Variants in HIF1AN observed in about 807,000 individuals in gnomAD.
The protein encoded by HIF1AN is hypoxia inducible factor 1 subunit alpha inhibitor.
A neutral mutation model predicts 47.7 loss-of-function variants in HIF1AN; 21 were observed. The ratio of observed to expected loss-of-function variants is 0.44; its 90% CI spans 0.31 to 0.63. The LOEUF (loss-of-function observed/expected upper bound fraction) is 0.63. Among genes scored for constraint, HIF1AN ranks in the 30% least tolerant of loss-of-function variants. HIF1AN has a pLI of 0.07. For missense variants in HIF1AN, 320 were observed against 432.7 expected (o/e 0.74, Z 2.31); for synonymous variants, 152 against 155.9 (o/e 0.98, Z 0.18).
intron 3 of HIF1AN, among the ~76,000 whole-genome samples, chr10:100,544,114 G>C (rs1843072263): frequency 6.6e-6 from 1 of 152,208 alleles, no homozygotes; most frequent in Non-Finnish European, 1.5e-5. Context: ...AACACACGTG[G>C]TCCTAGTTAG....
At chr10:100,541,356 A>C (rs887961908) in intron 3 of HIF1AN, among the ~76,000 whole-genome samples, 1 of 152,360 alleles carries the variant, frequency 6.6e-6, no homozygotes, top group East Asian at 1.9e-4. Context: ...GCACCACTGC[A>C]CTGCAGCCTG....
chr10:100,546,133 T>TA (rs1843091647), intron 5 of HIF1AN, 84 bp downstream of exon 5: 2 of 958,000 alleles, frequency 2.1e-6, no homozygotes, highest in African/African-American at 3.3e-5. Context: ...GCTTCTGAGT[T>TA]ATGGCATGAT....
At position 100,557,570 on chromosome 10, in the gene HIF1AN, C is replaced by G. The variant is rs577308346; in HGVS notation, c.*9433C>G. ...TTCAAGCAATTCTGCCTCAGCCTCC[C>G]GAGTAGCTGGGACTCAGGCGTGCGC... On this transcript the variant is annotated 3_prime_UTR_variant, in exon 8 of 8. Transcript: ENST00000299163. 2 of 152,232 alleles carry G rather than the reference C, an allele frequency of 1.3e-5. No homozygotes were observed. Among genetic ancestry groups the G allele is most frequent in the African/African-American group, 2.4e-5 (1 of 41,428 alleles). 9.4% of individuals were successfully genotyped at this position (152,232 alleles called of 1,614,324 possible). A position where few individuals can be genotyped will look rare whatever the true frequency, so the allele number is the denominator to read the frequency against.
chr10:100,545,915 T>A (rs1843089020), intron 4 of HIF1AN, 28 bp from the exon 5 acceptor site: 2 of 1,455,106 alleles, frequency 1.4e-6, no homozygotes, highest in African/African-American at 1.4e-5. Context: ...GTGATTGATA[T>A]TTTTTTTCTT....
At chr10:100,542,230 G>A (rs772019171) in intron 3 of HIF1AN, among the ~76,000 whole-genome samples, 43 of 151,962 alleles carry the variant, frequency 2.8e-4, no homozygotes, top group Middle Eastern at 3.4e-3. Flanking sequence ...CGACTAAAAT[G>A]TCATCATGTG....
chr10:100,539,443 AG>A (rs1175709129), intron 2 of HIF1AN, among the ~76,000 whole-genome samples: 1 of 152,226 alleles, frequency 6.6e-6, no homozygotes, highest in Non-Finnish European at 1.5e-5. Context: ...TAGCTGTAGA[AG>A]GCTGCAACAG....
At chr10:100,544,309 G>C (rs1232876689) in intron 3 of HIF1AN, among the ~76,000 whole-genome samples, 1 of 152,204 alleles carries the variant, frequency 6.6e-6, no homozygotes, top group African/African-American at 2.4e-5. Context: ...AGATGTGGTG[G>C]CTCACGCCTG....
intron 3 of HIF1AN, among the ~76,000 whole-genome samples, chr10:100,542,129 C>T (rs936304033): frequency 6.7e-6 from 1 of 149,238 alleles, no homozygotes; most frequent in African/African-American, 2.5e-5. Flanking sequence ...TTTTTTATTG[C>T]CAAAAAAAAA....
In HIF1AN at chr10:100,553,850, A is replaced by G. The variant is rs11292; in HGVS notation, c.*5713A>G. 33,488 of 152,138 alleles carry G rather than the reference A, an allele frequency of 0.22. 3,816 individuals carry two copies. Among genetic ancestry groups the G allele is most frequent in the African/African-American group, 0.26 (10,895 of 41,470 alleles). 9.4% of individuals were successfully genotyped at this position (152,138 alleles called of 1,614,324 possible). On this transcript the variant is annotated 3_prime_UTR_variant, in exon 8 of 8. Coordinates refer to ENST00000299163, the MANE Select transcript of HIF1AN (RefSeq NM_017902.3). ...CCTCAGGGTTGTTGGAATAACTGAA[A>G]CAATGTTTGTAAAGCTTTAGCACAG...
At chr10:100,542,130 CAA>C (rs892151506) in intron 3 of HIF1AN, among the ~76,000 whole-genome samples, 4 of 133,344 alleles carry the variant, frequency 3.0e-5, no homozygotes, top group Admixed American at 7.5e-5. Context: ...TTTTTATTGC[CAA>C]AAAAAAAAAA....
At position 100,546,062 on chromosome 10, in the gene HIF1AN, C is replaced by T; in HGVS notation, c.830+13C>T. The T allele has an allele frequency of 1.3e-6, 2 of 1,574,902 alleles. No individual in the cohort carries two copies. The highest frequency in any genetic ancestry group is 1.7e-6 in the Non-Finnish European group (2 of 1,146,238). ...TCCCAATGTACTGGTGAGAAGGGGG[C>T]TAGGGCTGGGGGCTTTTTGGGAGCT... On this transcript the variant is annotated intron_variant, in intron 5 of 7. Transcript: ENST00000299163.
At chr10:100,540,072 G>C (rs552752369) in intron 2 of HIF1AN, among the ~76,000 whole-genome samples, 1 of 151,850 alleles carries the variant, frequency 6.6e-6, no homozygotes, top group African/African-American at 2.4e-5. Flanking sequence ...GCAATGGCAC[G>C]ATCTCAGCTC....
At chr10:100,541,573 T>C (rs1300967350) in intron 3 of HIF1AN, among the ~76,000 whole-genome samples, 1 of 152,028 alleles carries the variant, frequency 6.6e-6, no homozygotes, top group Non-Finnish European at 1.5e-5. Flanking sequence ...TGGTCTCGGC[T>C]CACTGCAACC....
At chr10:100,547,654 G>A (rs997616825) in intron 7 of HIF1AN, among the ~76,000 whole-genome samples, 1 of 152,204 alleles carries the variant, frequency 6.6e-6, no homozygotes, top group Admixed American at 6.5e-5. Context: ...TATTTGTAGG[G>A]TTCTTGCTTG....
chr10:100,545,680 G>A (rs971458820), intron 4 of HIF1AN, among the ~76,000 whole-genome samples: 5 of 152,170 alleles, frequency 3.3e-5, no homozygotes, highest in Non-Finnish European at 5.9e-5. Context: ...CCTCAGCTGT[G>A]GAGTAGGTCG....
chr10:100,558,399 G>A lies in HIF1AN; in HGVS notation c.*10262G>A, dbSNP rs903162801. ...GGAGGAAGCTTGAGGCCAGGAGTTT[G>A]AGATCAGCCTAGGCAGCATAGTGAC... On this transcript the variant is annotated 3_prime_UTR_variant, in exon 8 of 8. Coordinates refer to ENST00000299163, the MANE Select transcript of HIF1AN (RefSeq NM_017902.3). 12 of 152,218 alleles carry A rather than the reference G, an allele frequency of 7.9e-5. No homozygotes were observed. Among genetic ancestry groups the A allele is most frequent in the African/African-American group, 2.2e-4 (9 of 41,452 alleles). The allele number at this position is 152,218 out of a possible 1,614,324, so 9.4% of individuals were successfully genotyped here.
intron 5 of HIF1AN, 67 bp from the exon 6 acceptor site, chr10:100,546,451 G>A (rs1191721089): frequency 1.4e-5 from 5 of 365,872 alleles, no homozygotes; most frequent in South Asian, 1.0e-4. Flanking sequence ...CCACCCCCCC[G>A]CACTTCGCCC....
At position 100,548,131 on chromosome 10, in the gene HIF1AN, C is replaced by A. The variant is rs2133729586; in HGVS notation, c.1044C>A (p.Tyr348Ter). 1 of 1,610,088 alleles carries A rather than the reference C, an allele frequency of 6.2e-7. No homozygotes were observed. Among genetic ancestry groups the A allele is most frequent in the South Asian group, 1.1e-5 (1 of 90,496 alleles). The change falls in exon 8 of 8, where the codon TAC becomes TAA. Residue 348 changes from tyrosine (Y) to a stop codon, truncating the protein, a stop_gained. Transcript: ENST00000299163. LOFTEE classifies it high-confidence loss of function. Reference protein sequence around the residue: ...PLLNTMIKGRYN With the variant: ...PLLNTMIKGR The stretch of plus-strand genomic sequence containing the variant: ...TGAACACAATGATCAAGGGCCGATA[C>A]AACTAGCCTGCCAGGGGTCAAGGCC...
chr10:100,548,253 C>T lies in HIF1AN; in HGVS notation c.*116C>T. On this transcript the variant is annotated 3_prime_UTR_variant, in exon 8 of 8. Transcript: ENST00000299163. ...TGCACGCTGCACTTAATGGACTGGA[C>T]TCTTGCCATGGCCCAGGAGTCAGGT... The T allele has an allele frequency of 2.3e-6, 2 of 885,380 alleles. No homozygotes were observed. The highest frequency in any genetic ancestry group is 2.9e-5 in the East Asian group (1 of 34,066). 54.8% of individuals were successfully genotyped at this position (885,380 alleles called of 1,614,324 possible).
Sources: gnomAD v4.1 joint callset for allele counts (sites outside exome capture counted in the v4.1 genomes callset) on GRCh38, gnomAD v4.1.1 for gene constraint, MANE v1.5 for transcripts, NCBI Gene and HGNC (gene_info 2026-07-23, HGNC 2026-07-21) for gene names.